The following MYBBP1A variants were observed in gnomAD, a reference collection of about 807,000 sequenced individuals.
MYBBP1A encodes the protein MYB binding protein 1a.
In MYBBP1A, 147 loss-of-function variants were observed where a neutral mutation model predicts 136.3. That is an observed-to-expected ratio of 1.08 (90% CI 0.94 to 1.24). The LOEUF (loss-of-function observed/expected upper bound fraction) is 1.24. Ranked by LOEUF, MYBBP1A falls within the 50% of genes most tolerant of loss-of-function variation. The pLI is 0.00. For synonymous variants in MYBBP1A, 947 were observed against 735.8 expected (o/e 1.29, Z -4.65); for missense variants, 2,060 against 1,727.4 (o/e 1.19, Z -3.41).
chr17:4,554,979 G>A, intron 1 of MYBBP1A, 23 bp from the exon 2 acceptor site: 4 of 1,612,088 alleles, frequency 2.5e-6, no homozygotes, highest in Middle Eastern at 1.7e-4. Context: ...GCACACCCTC[G>A]TGTTCAATGG....
rs371564259 is a variant in MYBBP1A, at chr17:4,548,290, G to A, written c.1577C>T (p.Thr526Met). The change falls in exon 12 of 26, where the codon ACG (threonine) becomes ATG (methionine). Residue 526 changes from threonine to methionine, a missense_variant. Physicochemically the swap from Thr to Met is moderately conservative, Grantham distance 81. Coordinates refer to ENST00000254718, the MANE Select transcript of MYBBP1A (RefSeq NM_014520.4). This position sits in a 1 kb window ranked among gnomAD's most constrained non-coding sequence, Gnocchi z 4.2. ...CTGGCCCGGTGCCTGCTTGAACTGC[G>A]TGCTGAGGGTCTGCAACAGACTGGG... ...AFFSLLQTLSTQFKQAPGQTQ... is the reference protein window; with the variant it reads ...AFFSLLQTLSMQFKQAPGQTQ... 2.2e-5 allele frequency: 36 copies of A among 1,612,400 alleles called. No individual in the cohort carries two copies. Among genetic ancestry groups the A allele is most frequent in the Admixed American group, 1.0e-4 (6 of 60,004 alleles).
intron 22 of MYBBP1A, 87 bp from the exon 23 acceptor site, chr17:4,541,978 G>C: frequency 1.0e-6 from 1 of 997,240 alleles, no homozygotes; most frequent in East Asian, 2.5e-5. Context: ...GGGGCCCGCT[G>C]GGCACTGCTG....
rs1906775469 is a variant in MYBBP1A, at chr17:4,544,576, GGCTCCAGCA to G, written c.2543_2551del (p.Leu848_Glu850del). The stretch of plus-strand genomic sequence containing the variant: ...GCTGCGCCGGATGATGCTCAGCAGC[GGCTCCAGCA>G]GCTCCAGGACCAGGGCATTCTCGGG... On this transcript the variant is annotated inframe_deletion, in exon 19 of 26. Transcript: ENST00000254718. The G allele has an allele frequency of 6.3e-6, 10 of 1,575,930 alleles. No individual in the cohort carries two copies. Among genetic ancestry groups the G allele is most frequent in the Non-Finnish European group, 8.6e-6 (10 of 1,161,364 alleles).
chr17:4,543,246 C>A, intron 19 of MYBBP1A, 81 bp from the exon 20 acceptor site: 1 of 1,479,892 alleles, frequency 6.8e-7, no homozygotes, highest in Non-Finnish European at 9.0e-7. Flanking sequence ...CCAAGTCCCA[C>A]TTTATAAGTG....
chr17:4,552,287 A>G lies in MYBBP1A; in HGVS notation c.743T>C (p.Val248Ala). 3.1e-6 allele frequency: 5 copies of G among 1,613,868 alleles called. No homozygotes were observed. Among genetic ancestry groups the G allele is most frequent in the Non-Finnish European group, 4.2e-6 (5 of 1,179,982 alleles). Reference sequence around the variant, plus strand: ...GGAGGCGGCCATCTTCAGCACATTCACCAGCCTGCGGAGGGCAAGGGACTC... The same window carrying G: ...GGAGGCGGCCATCTTCAGCACATTCGCCAGCCTGCGGAGGGCAAGGGACTC... ...LFSDENVPRL[V>A]NVLKMAASSV... The change falls in exon 7 of 26, where the codon GTG (valine) becomes GCG (alanine). Residue 248 changes from valine (V) to alanine (A), a missense_variant. Transcript: ENST00000254718. This position sits in a 1 kb window ranked among gnomAD's most constrained non-coding sequence, Gnocchi z 4.7.
At chr17:4,545,452 T>C in intron 15 of MYBBP1A, 107 bp from the exon 16 acceptor site, 1 of 1,529,892 alleles carries the variant, frequency 6.5e-7, no homozygotes, top group Non-Finnish European at 8.9e-7. Flanking sequence ...AAACGGAGCC[T>C]AGGAGAGGCG....
At position 4,548,858 on chromosome 17, in the gene MYBBP1A, C is replaced by A. The variant is rs1436052818; in HGVS notation, c.1431-209G>T. Among the ~76,000 whole-genome samples the A allele has an allele frequency of 6.6e-6, 1 of 152,318 alleles. No homozygotes were observed. The highest frequency in any genetic ancestry group is 1.9e-4 in the East Asian group (1 of 5,182). On this transcript the variant is annotated intron_variant, in intron 10 of 25. Transcript: ENST00000254718. The surrounding 1 kb of genome is among the most constrained non-coding windows in gnomAD (Gnocchi z 4.2). ...AAGGGGCCGTTTCTCTGCTCTGGAT[C>A]CCCAGCTGAACGCGGGTTAACCCGA... is the stretch of plus-strand genomic sequence containing the variant.
intron 5 of MYBBP1A, 92 bp downstream of exon 5, chr17:4,553,718 T>C (rs1907747010): frequency 4.4e-6 from 4 of 911,616 alleles, no homozygotes; most frequent in Non-Finnish European, 6.8e-6. Flanking sequence ...TGTATTTCTA[T>C]GGAACAGTGC....
In MYBBP1A at chr17:4,544,648, T is replaced by G. The variant is rs756699885; in HGVS notation, c.2482-2A>C. 1 of 1,557,966 alleles carries G rather than the reference T, an allele frequency of 6.4e-7. No individual in the cohort carries two copies. The highest frequency in any genetic ancestry group is 1.2e-5 in the South Asian group (1 of 86,436). ...TAGCACCTCCACCAGGTCCAGCACCTGCAGCCAGGAGGGCAGGTCAGCAAC... is the reference window on the plus strand; with the variant it reads ...TAGCACCTCCACCAGGTCCAGCACCGGCAGCCAGGAGGGCAGGTCAGCAAC... On this transcript the variant is annotated splice_acceptor_variant, in intron 18 of 25. Coordinates refer to ENST00000254718, the MANE Select transcript of MYBBP1A (RefSeq NM_014520.4). LOFTEE classifies it high-confidence loss of function.
chr17:4,553,603 T>C (rs530652260), intron 5 of MYBBP1A, among the ~76,000 whole-genome samples: 4 of 152,398 alleles, frequency 2.6e-5, no homozygotes, highest in East Asian at 3.9e-4. Flanking sequence ...AATAATATTT[T>C]AGATATACCA....
At chr17:4,545,569 G>C in intron 15 of MYBBP1A, 41 bp downstream of exon 15, 1 of 1,541,918 alleles carries the variant, frequency 6.5e-7, no homozygotes, top group Non-Finnish European at 8.7e-7. Context: ...GCTGCTCAGT[G>C]AGCCCCAGCC....
intron 22 of MYBBP1A, 91 bp from the exon 23 acceptor site, chr17:4,541,982 A>G: frequency 1.0e-6 from 1 of 956,462 alleles, no homozygotes; most frequent in Non-Finnish European, 1.6e-6. Context: ...CCCGCTGGGC[A>G]CTGCTGTGGG....
At position 4,554,245 on chromosome 17, in the gene MYBBP1A, T is replaced by C; in HGVS notation, c.328A>G (p.Ser110Gly). ...TTTTCTTGTATCTGCTGCAGGATGCTGCACAAGGGGAGGTCTTCAAAAGAC... is the reference window on the plus strand; with the variant it reads ...TTTTCTTGTATCTGCTGCAGGATGCCGCACAAGGGGAGGTCTTCAAAAGAC... ...LQSFEDLPLC[S>G]ILQQIQEKYD... The change falls in exon 3 of 26, where the codon AGC becomes GGC. Residue 110 changes from serine (S) to glycine (G), a missense_variant. Physicochemically the swap from Ser to Gly is moderately conservative, Grantham distance 56. Coordinates refer to ENST00000254718, the MANE Select transcript of MYBBP1A (RefSeq NM_014520.4). 6.2e-7 allele frequency: 1 copy of C among 1,614,102 alleles called. No individual in the cohort carries two copies. Among genetic ancestry groups the C allele is most frequent in the African/African-American group, 1.3e-5 (1 of 75,042 alleles).
At chr17:4,547,056 C>T (rs956114666) in intron 13 of MYBBP1A, among the ~76,000 whole-genome samples, 11 of 152,220 alleles carry the variant, frequency 7.2e-5, no homozygotes, top group African/African-American at 2.4e-4. Context: ...GGATTACAGG[C>T]ACCTGCCACC....
At chr17:4,546,461 G>A (rs563917807) in intron 13 of MYBBP1A, among the ~76,000 whole-genome samples, 3 of 152,192 alleles carry the variant, frequency 2.0e-5, no homozygotes, top group East Asian at 1.9e-4. Flanking sequence ...CGCAGTTACA[G>A]GATCCAAAAG....
chr17:4,553,744 T>C, intron 5 of MYBBP1A, 66 bp downstream of exon 5: 1 of 1,234,834 alleles, frequency 8.1e-7, no homozygotes, highest in Non-Finnish European at 1.2e-6. Context: ...CAGATTCTCA[T>C]CCGAGCCCCC....
Position 4,539,250 on chromosome 17 carries a change from G to C in MYBBP1A, c.*165C>G. 6.7e-7 allele frequency: 1 copy of C among 1,483,934 alleles called. No individual in the cohort carries two copies. Among genetic ancestry groups the C allele is most frequent in the East Asian group, 2.3e-5 (1 of 42,924 alleles). The allele number at this position is 1,483,934 out of a possible 1,614,324, so 91.9% of individuals were successfully genotyped here. A position where few individuals can be genotyped will look rare whatever the true frequency, so the allele number is the denominator to read the frequency against. Reference sequence around the variant, plus strand: ...GACCCCTGCAGGAATGGCTCAGGCTGTGCTTGCCAGAGCAGGATGCCCGGG... The same window carrying C: ...GACCCCTGCAGGAATGGCTCAGGCTCTGCTTGCCAGAGCAGGATGCCCGGG... On this transcript the variant is annotated 3_prime_UTR_variant, in exon 26 of 26. Coordinates refer to ENST00000254718, the MANE Select transcript of MYBBP1A (RefSeq NM_014520.4).
In MYBBP1A at chr17:4,552,588, G is replaced by C; in HGVS notation, c.600C>G (p.Val200=). The C allele has an allele frequency of 1.2e-6, 2 of 1,613,956 alleles. No individual in the cohort carries two copies. The highest frequency in any genetic ancestry group is 2.2e-5 in the South Asian group (2 of 91,080). ...KATLQEILPE[V]LKADLNIILS... ...GTATTATATTCAAGTCGGCTTTGAGGACCTCCGGCAGGATCTCCTGCAATG... is the reference window on the plus strand; with the variant it reads ...GTATTATATTCAAGTCGGCTTTGAGCACCTCCGGCAGGATCTCCTGCAATG... Residue 200 remains valine (V), a synonymous_variant, in exon 6 of 26, where the codon GTC becomes GTG. Transcript: ENST00000254718. This position sits in a 1 kb window ranked among gnomAD's most constrained non-coding sequence, Gnocchi z 4.7.
chr17:4,541,682 C>G, intron 23 of MYBBP1A, 102 bp downstream of exon 23: 1 of 1,430,718 alleles, frequency 7.0e-7, no homozygotes. Flanking sequence ...CCAGTTCTCC[C>G]GACTCTGGAC....
Sources: allele counts gnomAD v4.1 joint callset (sites outside exome capture counted in the v4.1 genomes callset), GRCh38; gene constraint gnomAD v4.1.1; non-coding constraint Gnocchi (gnomAD v3.1); transcripts MANE v1.5; gene names NCBI Gene and HGNC (gene_info 2026-07-23, HGNC 2026-07-21).